Variants in ANKHD1 observed in about 807,000 individuals in gnomAD.
ANKHD1 encodes the protein ankyrin repeat and KH domain containing 1, also known as ankyrin repeat and KH domain-containing protein 1.
A neutral mutation model predicts 230.5 loss-of-function variants in ANKHD1; 31 were observed. The observed-to-expected ratio is 0.13, with a 90% confidence interval of 0.10 to 0.18. The LOEUF (loss-of-function observed/expected upper bound fraction) is 0.18. Ranked by LOEUF, ANKHD1 falls within the 10% of genes least tolerant of loss-of-function variation. The probability of loss-of-function intolerance (pLI) is 1.00; values close to 1 mark genes in which losing one functional copy is unlikely to be tolerated. For synonymous variants in ANKHD1, 1,074 were observed against 1,117.6 expected, an observed-to-expected ratio of 0.96 and a Z score of 0.78; for missense variants, 2,256 against 3,071.3, an observed-to-expected ratio of 0.73 and a Z score of 6.27.
Position 140,438,595 on chromosome 5 carries a change from C to T in ANKHD1, c.595C>T (p.His199Tyr), listed in dbSNP as rs147709889. The change falls in exon 3 of 34, where the codon CAC (histidine) becomes TAC (tyrosine). Residue 199 changes from histidine (H) to tyrosine (Y), a missense_variant. Physicochemically the swap from His to Tyr is moderately conservative, Grantham distance 83 (BLOSUM62 2). Coordinates refer to ENST00000360839, the MANE Select transcript of ANKHD1 (RefSeq NM_017747.3). ...GACACGGATGAAAGCAGAAAACAGC[C>T]ACAATGCAGGACAAGTGGACACGTA... ...ALTRMKAENSHNAGQVDTRSL... is the reference protein window; with the variant it reads ...ALTRMKAENSYNAGQVDTRSL... The T allele has an allele frequency of 1.2e-6, 2 of 1,606,842 alleles. No individual in the cohort carries two copies.
intron 10 of ANKHD1, among the ~76,000 whole-genome samples, chr5:140,467,431 A>C (rs1265998687): frequency 1.3e-5 from 2 of 152,090 alleles, no homozygotes; most frequent in Non-Finnish European, 2.9e-5. Flanking sequence ...ACTGTTCTTC[A>C]TATAAAATGT....
intron 29 of ANKHD1, among the ~76,000 whole-genome samples, chr5:140,533,327 G>A (rs1340269634): frequency 2.6e-5 from 4 of 152,070 alleles, no homozygotes; most frequent in Non-Finnish European, 2.9e-5. Context: ...GACCGGGCAC[G>A]GTGGCTCACG....
intron 24 of ANKHD1, among the ~76,000 whole-genome samples, chr5:140,514,143 C>T (rs951044593): frequency 1.4e-5 from 2 of 148,012 alleles, no homozygotes; most frequent in African/African-American, 5.0e-5. Flanking sequence ...CATAATTACA[C>T]ACTGCAGTCC....
At chr5:140,473,026 CTT>C (rs67081504) in intron 10 of ANKHD1, among the ~76,000 whole-genome samples, 107 of 131,084 alleles carry the variant, frequency 8.2e-4, no homozygotes, top group East Asian at 7.9e-3. Context: ...ATCTAAGTTT[CTT>C]TTTTTTTTTT....
At chr5:140,533,775 CAAAAAAAAAAAAAA>C (rs1167136822) in intron 29 of ANKHD1, among the ~76,000 whole-genome samples, 2 of 29,660 alleles carry the variant, frequency 6.7e-5, no homozygotes, top group African/African-American at 2.2e-4. Context: ...GACCCTGTCT[CAAAAAAAAAAAAAA>C]AAAAAAAAAA....
intron 24 of ANKHD1, among the ~76,000 whole-genome samples, chr5:140,520,539 G>T (rs1462729943): frequency 7.8e-4 from 118 of 151,862 alleles, no homozygotes; most frequent in African/African-American, 2.7e-3. Flanking sequence ...CAAATGTCCA[G>T]CAATGATAGA....
At chr5:140,536,910 AC>A (rs1237574142) in intron 30 of ANKHD1, 8 of 152,410 alleles carry the variant, frequency 5.2e-5, no homozygotes, top group African/African-American at 1.9e-4. Context: ...AATCCTAGCT[AC>A]CCGGGAGGCT....
intron 29 of ANKHD1, 118 bp from the exon 30 acceptor site, chr5:140,535,244 A>G (rs916632263): frequency 1.4e-6 from 2 of 1,424,740 alleles, no homozygotes; most frequent in South Asian, 1.5e-5. Context: ...GCCACATGCT[A>G]TCTTTTATTT....
At chr5:140,528,045 G>C in intron 28 of ANKHD1, 23 bp downstream of exon 28, 1 of 1,611,004 alleles carries the variant, frequency 6.2e-7, no homozygotes, top group Non-Finnish European at 8.5e-7. Context: ...AATGTATACT[G>C]CTAGTTCTGA....
intron 1 of ANKHD1, among the ~76,000 whole-genome samples, chr5:140,405,515 T>C (rs1003072341): frequency 1.3e-5 from 2 of 152,248 alleles, no homozygotes; most frequent in Non-Finnish European, 2.9e-5. Flanking sequence ...TTTATTATTA[T>C]TGCCTTTGAA....
intron 10 of ANKHD1, among the ~76,000 whole-genome samples, chr5:140,471,679 T>C (rs1183760310): frequency 1.3e-5 from 2 of 152,212 alleles, no homozygotes; most frequent in East Asian, 3.8e-4. Flanking sequence ...TTTCCTAAGT[T>C]GTATCCCTGT....
At chr5:140,420,131 T>C (rs1453155841) in intron 1 of ANKHD1, among the ~76,000 whole-genome samples, 1 of 150,342 alleles carries the variant, frequency 6.7e-6, no homozygotes. Flanking sequence ...GTAGCTGGAC[T>C]ACAGGTGCAC....
intron 14 of ANKHD1, among the ~76,000 whole-genome samples, chr5:140,491,460 C>T (rs903056208): frequency 6.6e-6 from 1 of 151,796 alleles, no homozygotes; most frequent in Non-Finnish European, 1.5e-5. Context: ...TCAGCACACC[C>T]GGCGATTACC....
chr5:140,508,216 A>G (rs1458783079), intron 20 of ANKHD1, among the ~76,000 whole-genome samples: 1 of 152,158 alleles, frequency 6.6e-6, no homozygotes, highest in Non-Finnish European at 1.5e-5. Flanking sequence ...ACTTTTCCCA[A>G]CCTCAGCCTT....
intron 1 of ANKHD1, among the ~76,000 whole-genome samples, chr5:140,403,424 G>A (rs907010783): frequency 2.0e-5 from 3 of 150,982 alleles, no homozygotes; most frequent in African/African-American, 7.3e-5. Context: ...TTTTGTTTTT[G>A]TTTTTTGAGA....
intron 1 of ANKHD1, among the ~76,000 whole-genome samples, chr5:140,407,120 C>T (rs1272961130): frequency 1.3e-5 from 2 of 151,854 alleles, no homozygotes; most frequent in African/African-American, 4.8e-5. Context: ...CATGGTGAAA[C>T]CCCATCTCTA....
In ANKHD1 at chr5:140,485,129, G is replaced by A. The variant is rs139313995; in HGVS notation, c.1879G>A (p.Val627Ile). The change falls in exon 12 of 34, where the codon GTT (valine) becomes ATT (isoleucine). Residue 627 changes from valine (V) to isoleucine (I), a missense_variant. By Grantham distance (29) the Val-to-Ile change is conservative. Around this residue, in one of 13 missense-constraint regions of ANKHD1, gnomAD observed 179 missense variants for 261.8 expected, o/e 0.68. Coordinates refer to ENST00000360839, the MANE Select transcript of ANKHD1 (RefSeq NM_017747.3). The surrounding 1 kb of genome is among the most constrained non-coding windows in gnomAD (Gnocchi z 4.8). ...VQFLISKGANVNRATANNDHT... is the reference protein window; with the variant it reads ...VQFLISKGANINRATANNDHT... ...TTTATTTTTCTTCAAAGGTGCCAAT[G>A]TTAACAGGGCTACAGCCAATAATGA... 5 of 1,602,118 alleles carry A rather than the reference G, an allele frequency of 3.1e-6. No individual in the cohort carries two copies. Among genetic ancestry groups the A allele is most frequent in the Non-Finnish European group, 4.3e-6 (5 of 1,170,276 alleles).
intron 22 of ANKHD1, among the ~76,000 whole-genome samples, chr5:140,512,083 A>G (rs1033895279): frequency 6.6e-6 from 1 of 152,078 alleles, no homozygotes; most frequent in Non-Finnish European, 1.5e-5. Flanking sequence ...TAAAAATACA[A>G]AAATTAGCCA....
intron 15 of ANKHD1, 157 bp from the exon 16 acceptor site, chr5:140,504,664 A>G: frequency 3.0e-6 from 3 of 987,776 alleles, no homozygotes; most frequent in Non-Finnish European, 4.3e-6. Flanking sequence ...TCAGTGTTGG[A>G]ACTAATATTT....
Sources: gnomAD v4.1 joint callset for allele counts (sites outside exome capture counted in the v4.1 genomes callset) on GRCh38, gnomAD v4.1.1 for gene constraint, gnomAD v4.1.1 regional missense constraint, Gnocchi (gnomAD v3.1) non-coding constraint, MANE v1.5 for transcripts, NCBI Gene and HGNC (gene_info 2026-07-23, HGNC 2026-07-21) for gene names.